The following TACC1 variants were observed in gnomAD, a reference collection of about 807,000 sequenced individuals.
TACC1 encodes the protein transforming acidic coiled-coil-containing protein 1.
In TACC1, 48 loss-of-function variants were observed where a neutral mutation model predicts 84.4. The observed-to-expected ratio is 0.57, with a 90% CI of 0.45 to 0.72. The LOEUF is 0.72. Among genes scored for constraint, TACC1 ranks in the 30% least tolerant of loss-of-function variants. The probability of loss-of-function intolerance (pLI) is 0.00; values close to 1 mark genes in which losing one functional copy is unlikely to be tolerated. For synonymous variants in TACC1, 372 were observed against 376.3 expected (o/e 0.99, Z 0.13); for missense variants, 920 against 973.0 (o/e 0.95, Z 0.72).
chr8:38,807,527 G>C (rs1176467766), intron 2 of TACC1, among the ~76,000 whole-genome samples: 1 of 152,208 alleles, frequency 6.6e-6, no homozygotes, highest in Non-Finnish European at 1.5e-5. Flanking sequence ...TAAAATCTGG[G>C]AGGGAAAAGT....
intron 3 of TACC1, among the ~76,000 whole-genome samples, chr8:38,748,468 C>A (rs1258827429): frequency 6.6e-6 from 1 of 152,134 alleles, no homozygotes; most frequent in Non-Finnish European, 1.5e-5. Flanking sequence ...ATTTTTAGAA[C>A]ATTTCACTCA....
chr8:38,754,122 T>A (rs959588716), intron 3 of TACC1, among the ~76,000 whole-genome samples: 4 of 152,000 alleles, frequency 2.6e-5, no homozygotes, highest in Non-Finnish European at 5.9e-5. Flanking sequence ...CTTGGCTAAT[T>A]TTTTAAATTT....
intron 3 of TACC1, among the ~76,000 whole-genome samples, chr8:38,754,544 C>T (rs943947224): frequency 2.6e-5 from 4 of 152,208 alleles, no homozygotes; most frequent in African/African-American, 9.7e-5. Flanking sequence ...GTGTTCCAAA[C>T]AGACTGTGGG....
Position 38,787,330 on chromosome 8 carries a change from G to A in TACC1, c.-253G>A. 1 of 1,277,590 alleles carries A rather than the reference G, an allele frequency of 7.8e-7. No homozygotes were observed. The highest frequency in any genetic ancestry group is 3.0e-4 in the Middle Eastern group (1 of 3,318). 79.1% of individuals were successfully genotyped at this position (1,277,590 alleles called of 1,614,324 possible). ...AGGCCACAGGACGGGCGTCTTCCCG[G>A]CTAGTGGAGCCCGGCGCGGGGCCCG... On this transcript the variant is annotated 5_prime_UTR_variant, in exon 1 of 13. Coordinates refer to ENST00000317827, the MANE Select transcript of TACC1 (RefSeq NM_006283.3).
chr8:38,757,209 G>GGGCCCCC, intron 3 of TACC1: 2 of 262,220 alleles, frequency 7.6e-6, no homozygotes, highest in Non-Finnish European at 1.5e-5. Flanking sequence ...ACGGCCGGGC[G>GGGCCCCC]CCCCACCCCG....
At chr8:38,729,417 C>T (rs1220714273) in intron 1 of TACC1, among the ~76,000 whole-genome samples, 1 of 152,180 alleles carries the variant, frequency 6.6e-6, no homozygotes, top group East Asian at 1.9e-4. Flanking sequence ...GAGGGACACC[C>T]GGCAGTCGGT....
At position 38,852,510 on chromosome 8, in the gene TACC1, A is replaced by C. The variant is rs986815405; in HGVS notation, c.*4487A>C. 1.3e-5 allele frequency: 2 copies of C among 152,584 alleles called. No homozygotes were observed. The highest frequency in any genetic ancestry group is 2.9e-5 in the Non-Finnish European group (2 of 68,098). The allele number at this position is 152,584 out of a possible 1,614,324, so 9.5% of individuals were successfully genotyped here. On this transcript the variant is annotated 3_prime_UTR_variant, in exon 13 of 13. Coordinates refer to ENST00000317827, the MANE Select transcript of TACC1 (RefSeq NM_006283.3). ...TTCCTGGTCACATCATTAACTGCTA[A>C]TTCTGTATTTATAAAGAATTTTCAG...
chr8:38,768,924 G>A (rs1812837395), intron 3 of TACC1, among the ~76,000 whole-genome samples: 1 of 150,000 alleles, frequency 6.7e-6, no homozygotes, highest in Admixed American at 6.6e-5. Flanking sequence ...TGGTGTGTGT[G>A]ACTATGTGTG....
intron 3 of TACC1, among the ~76,000 whole-genome samples, chr8:38,760,901 G>C (rs1811088304): frequency 6.6e-6 from 1 of 152,170 alleles, no homozygotes; most frequent in African/African-American, 2.4e-5. Context: ...TAGTTATTAT[G>C]AACACATTTG....
intron 3 of TACC1, among the ~76,000 whole-genome samples, chr8:38,748,331 T>C (rs893862459): frequency 6.6e-6 from 1 of 152,040 alleles, no homozygotes; most frequent in Admixed American, 6.6e-5. Context: ...ACTGATAGAA[T>C]GAAAGGAAGA....
chr8:38,811,678 T>G (rs1018578245), intron 2 of TACC1, among the ~76,000 whole-genome samples: 3 of 152,214 alleles, frequency 2.0e-5, no homozygotes, highest in African/African-American at 7.2e-5. Flanking sequence ...CTTCGTAAGC[T>G]GAGGATGTAT....
rs2152208791 is a variant in TACC1 at position 38,820,118 on chromosome 8, A to G, written c.874A>G (p.Lys292Glu). ...GTTCCAGAAGTCTCCCCCTGACCTT[A>G]AAGAAACTCCCGGCACTCTCAGTAG... Reference protein sequence around the residue: ...ARFQKSPPDLKETPGTLSSDT... With the variant: ...ARFQKSPPDLEETPGTLSSDT... Residue 292 changes from lysine (K) to glutamate (E), a missense_variant, in exon 3 of 13, where the codon AAA becomes GAA. Lys to Glu is a moderately conservative substitution (Grantham distance 56). Transcript: ENST00000317827. The G allele has an allele frequency of 1.9e-6, 3 of 1,614,156 alleles. No homozygotes were observed. The highest frequency in any genetic ancestry group is 2.5e-6 in the Non-Finnish European group (3 of 1,180,022).
At chr8:38,793,357 G>GT (rs1819204695) in intron 2 of TACC1, among the ~76,000 whole-genome samples, 2 of 152,136 alleles carry the variant, frequency 1.3e-5, no homozygotes, top group South Asian at 4.2e-4. Flanking sequence ...TGCCTGTCCT[G>GT]TTTTTTTGCA....
chr8:38,757,351 C>T, intron 3 of TACC1: 1 of 1,267,326 alleles, frequency 7.9e-7, no homozygotes, highest in Non-Finnish European at 1.0e-6. Flanking sequence ...CTCCCACTCT[C>T]AGACCCCGAG....
intron 2 of TACC1, among the ~76,000 whole-genome samples, chr8:38,810,203 T>G (rs1179733864): frequency 6.6e-6 from 1 of 152,218 alleles, no homozygotes; most frequent in African/African-American, 2.4e-5. Context: ...TCATTATACC[T>G]GTGATGTAAT....
intron 2 of TACC1, among the ~76,000 whole-genome samples, chr8:38,793,053 A>G (rs552026978): frequency 1.1e-4 from 16 of 152,292 alleles, no homozygotes; most frequent in African/African-American, 3.4e-4. Flanking sequence ...CTTTATCTAC[A>G]GATTGTTACC....
chr8:38,804,820 C>G (rs1361968404), intron 2 of TACC1, among the ~76,000 whole-genome samples: 1 of 152,184 alleles, frequency 6.6e-6, no homozygotes, highest in African/African-American at 2.4e-5. Context: ...CCAGGCTGGT[C>G]TCAAACTCCT....
At chr8:38,729,224 C>T (rs1804428931) in intron 1 of TACC1, among the ~76,000 whole-genome samples, 1 of 152,202 alleles carries the variant, frequency 6.6e-6, no homozygotes, top group Admixed American at 6.5e-5. Context: ...TGCCCACTGC[C>T]ATAGGGACAA....
chr8:38,842,425 G>C lies in TACC1; in HGVS notation c.2099G>C (p.Gly700Ala). Residue 700 changes from glycine to alanine, a missense_variant, in exon 10 of 13, where the codon GGT becomes GCT. This residue lies in a region of TACC1 where 158 missense variants were observed against 225.6 expected (regional missense o/e 0.70). Coordinates refer to ENST00000317827, the MANE Select transcript of TACC1 (RefSeq NM_006283.3). ...DLFRRYENLKGVLEGFKKNEE... is the reference protein window; with the variant it reads ...DLFRRYENLKAVLEGFKKNEE... ...TTCAGGAGATATGAGAACCTGAAAG[G>C]TGTTCTGGAAGGGTTCAAGAAGGTA... is the stretch of plus-strand genomic sequence containing the variant. The C allele has an allele frequency of 6.2e-7, 1 of 1,613,128 alleles. No homozygotes were observed. The highest frequency in any genetic ancestry group is 8.5e-7 in the Non-Finnish European group (1 of 1,179,734).
Sources: gnomAD v4.1 joint callset for allele counts (sites outside exome capture counted in the v4.1 genomes callset) on GRCh38, gnomAD v4.1.1 for gene constraint, gnomAD v4.1.1 regional missense constraint, MANE v1.5 for transcripts, NCBI Gene and HGNC (gene_info 2026-07-23, HGNC 2026-07-21) for gene names.